The following DNAH12 variants were observed in gnomAD, a reference collection of about 807,000 sequenced individuals.
The protein encoded by DNAH12 is axonemal beta dynein heavy chain 12.
DNAH12 carries 285 observed loss-of-function variants against 371.5 expected under a neutral mutation model. The ratio of observed to expected loss-of-function variants is 0.77; its 90% CI spans 0.70 to 0.85. The LOEUF is 0.85. DNAH12 is among the 40% of genes least tolerant of loss of function. The pLI, the probability that DNAH12 is intolerant of heterozygous loss-of-function variation, is 0.00. For synonymous variants in DNAH12, 1,200 were observed against 1,213.0 expected, an observed-to-expected ratio of 0.99 and a Z score of 0.22; for missense variants, 3,611 against 3,689.4, an observed-to-expected ratio of 0.98 and a Z score of 0.55.
chr3:57,341,628 G>C (rs1163617318), intron 60 of DNAH12, among the ~76,000 whole-genome samples: 1 of 151,874 alleles, frequency 6.6e-6, no homozygotes, highest in Non-Finnish European at 1.5e-5. Context: ...TCAAAAAATA[G>C]AATGACATCC....
rs763666348 is a variant in DNAH12, at chr3:57,508,408, T to C, written c.675A>G (p.Thr225=). The C allele has an allele frequency of 1.9e-6, 3 of 1,606,510 alleles. No individual in the cohort carries two copies. Among genetic ancestry groups the C allele is most frequent in the Admixed American group, 1.7e-5 (1 of 57,808 alleles). ...LDLGYTTFAD[T]VLLDFTGIRA... Reference sequence around the variant, plus strand: ...TAATTCCTGTGAAGTCCAACAAAACTGTATCAGCAAATGTTGTATAACCAA... The same window carrying C: ...TAATTCCTGTGAAGTCCAACAAAACCGTATCAGCAAATGTTGTATAACCAA... The change falls in exon 7 of 74, where the codon ACA becomes ACG. Residue 225 remains threonine, a synonymous_variant. Transcript: ENST00000495027.
intron 60 of DNAH12, 104 bp downstream of exon 60, chr3:57,351,981 A>C (rs2062686488): frequency 8.4e-7 from 1 of 1,192,282 alleles, no homozygotes; most frequent in Non-Finnish European, 1.1e-6. Flanking sequence ...ATCATGACTT[A>C]AGCGAAGAAA....
Position 57,334,586 on chromosome 3 carries a change from T to C in DNAH12, c.9857A>G (p.Tyr3286Cys), listed in dbSNP as rs1204157844. The C allele has an allele frequency of 1.4e-5, 22 of 1,543,492 alleles. No homozygotes were observed. In the Admixed American group the frequency reaches 1.8e-4, roughly 13 times the overall value. Residue 3286 changes from tyrosine (Y) to cysteine (C), a missense_variant, in exon 62 of 74, where the codon TAT becomes TGT. Physicochemically the swap from Tyr to Cys is radical, Grantham distance 194 (BLOSUM62 -2). Transcript: ENST00000495027. Reference protein sequence around the residue: ...GLRQHFCEHIYEWREIYDSKE... With the variant: ...GLRQHFCEHICEWREIYDSKE... The stretch of plus-strand genomic sequence containing the variant: ...ACTGTCATAGATTTCTCGCCATTCA[T>C]ATATATGTTCACAAAAATGTTGCCT...
At chr3:57,546,408 A>G (rs1029780240), upstream of DNAH12, among the ~76,000 whole-genome samples, 8 of 152,176 alleles carry the variant, frequency 5.3e-5, no homozygotes, top group Admixed American at 3.9e-4. Context: ...AGACTACAGC[A>G]ATAGCTCACT....
At chr3:57,308,061 A>G (rs1384722008) in intron 69 of DNAH12, among the ~76,000 whole-genome samples, 1 of 152,018 alleles carries the variant, frequency 6.6e-6, no homozygotes, top group Non-Finnish European at 1.5e-5. Context: ...TTCCCTACAC[A>G]TCAAGCTCAG....
In DNAH12 at chr3:57,496,771, C is replaced by T. The variant is rs1325596530; in HGVS notation, c.1335+4550G>A. On this transcript the variant is annotated intron_variant, in intron 11 of 73. Coordinates refer to ENST00000495027, the MANE Select transcript of DNAH12 (RefSeq NM_001366028.2). Reference sequence around the variant, plus strand: ...ATCACCTGAGGTCAGGAGTTCAAGACCAGCCTGGCCAACATGGCAAAACCC... The same window carrying T: ...ATCACCTGAGGTCAGGAGTTCAAGATCAGCCTGGCCAACATGGCAAAACCC... 2.0e-5 allele frequency among the ~76,000 whole-genome samples: 3 copies of T among 152,128 alleles called. 1 individual carries two copies. The East Asian group carries it at 5.8e-4, about 29-fold the overall frequency.
intron 62 of DNAH12, among the ~76,000 whole-genome samples, chr3:57,326,028 G>T (rs7613829): frequency 0.32 from 48,641 of 151,594 alleles, 8,646 homozygotes; most frequent in African/African-American, 0.46. Flanking sequence ...AAAAAGAAAC[G>T]AACAAAGCCT....
intron 4 of DNAH12, among the ~76,000 whole-genome samples, chr3:57,518,271 C>A (rs1325048276): frequency 1.3e-5 from 2 of 151,756 alleles, no homozygotes; most frequent in Non-Finnish European, 2.9e-5. Flanking sequence ...ACACCTGTAA[C>A]CCCAGCACTT....
chr3:57,362,094 A>G (rs2062950061), intron 58 of DNAH12, among the ~76,000 whole-genome samples: 1 of 149,856 alleles, frequency 6.7e-6, no homozygotes, highest in South Asian at 2.1e-4. Context: ...ATTCCCACCT[A>G]TGAGTAAGAA....
intron 60 of DNAH12, among the ~76,000 whole-genome samples, chr3:57,350,730 C>A (rs989708602): frequency 6.6e-6 from 1 of 152,102 alleles, no homozygotes; most frequent in African/African-American, 2.4e-5. Context: ...GAGTGAGTGC[C>A]AATTTGTCAC....
rs73074588 is a variant in DNAH12, at chr3:57,430,826, T to A, written c.4981-1052A>T. 4.1e-3 allele frequency among the ~76,000 whole-genome samples: 619 copies of A among 152,366 alleles called. 3 individuals are homozygous for A. The highest frequency in any genetic ancestry group is 6.8e-3 in the Non-Finnish European group (461 of 68,026). On this transcript the variant is annotated intron_variant, in intron 32 of 73. Coordinates refer to ENST00000495027, the MANE Select transcript of DNAH12 (RefSeq NM_001366028.2). The stretch of plus-strand genomic sequence containing the variant: ...TGTCAACAATGAGAAATTTAACATT[T>A]GTGGATTCCGTTTCTTAGCTGTAAA...
chr3:57,382,064 C>T (rs2063404116), intron 50 of DNAH12, among the ~76,000 whole-genome samples, 198 bp downstream of exon 50: 1 of 152,056 alleles, frequency 6.6e-6, no homozygotes, highest in African/African-American at 2.4e-5. Flanking sequence ...GACGGGGTTT[C>T]ACCAGGTTAG....
At chr3:57,501,046 G>C (rs2067525475) in intron 11 of DNAH12, among the ~76,000 whole-genome samples, 1 of 152,186 alleles carries the variant, frequency 6.6e-6, no homozygotes, top group Non-Finnish European at 1.5e-5. Context: ...GTCTCAAAGT[G>C]CTGGGATTAC....
At chr3:57,307,814 A>T (rs1375205768) in intron 69 of DNAH12, among the ~76,000 whole-genome samples, 1 of 151,894 alleles carries the variant, frequency 6.6e-6, no homozygotes, top group Non-Finnish European at 1.5e-5. Context: ...CCATTTTCCC[A>T]TATTTCCTTC....
intron 35 of DNAH12, among the ~76,000 whole-genome samples, 194 bp from the exon 36 acceptor site, chr3:57,421,900 G>GTTTTTTTTTTTTTTT (rs1383551758): frequency 1.9e-4 from 19 of 97,708 alleles, no homozygotes; most frequent in African/African-American, 4.8e-4. Context: ...ATGTTTGCAT[G>GTTTTTTTTTTTTTTT]TCTTTTTTTT....
intron 58 of DNAH12, among the ~76,000 whole-genome samples, chr3:57,361,596 G>A (rs1324937050): frequency 2.0e-5 from 3 of 151,334 alleles, no homozygotes; most frequent in Admixed American, 2.0e-4. Flanking sequence ...ACAAGATAAT[G>A]ACGGAATTAA....
intron 56 of DNAH12, among the ~76,000 whole-genome samples, chr3:57,367,357 G>A (rs1435615368): frequency 8.5e-5 from 13 of 152,142 alleles, no homozygotes; most frequent in Admixed American, 7.9e-4. Context: ...GAAAACAGGA[G>A]TGGCAAAAGT....
Position 57,501,405 on chromosome 3 carries a change from T to C in DNAH12, c.1251A>G (p.Lys417=). 3 of 1,581,922 alleles carry C rather than the reference T, an allele frequency of 1.9e-6. No homozygotes were observed. In the South Asian group the frequency reaches 3.6e-5, roughly 19 times the overall value. ...ARKHYETYVE[K]YNWLLDGTAV... Reference sequence around the variant, plus strand: ...CAGTCCCATCAAGGAGCCAATTATATTTTTCAACTGAAAATTAATAATCTA... The same window carrying C: ...CAGTCCCATCAAGGAGCCAATTATACTTTTCAACTGAAAATTAATAATCTA... Residue 417 remains lysine (K), a synonymous_variant, in exon 11 of 74, where the codon AAA becomes AAG. Transcript: ENST00000495027.
chr3:57,319,102 C>T (rs2061747973), intron 65 of DNAH12, among the ~76,000 whole-genome samples: 1 of 152,024 alleles, frequency 6.6e-6, no homozygotes, highest in African/African-American at 2.4e-5. Flanking sequence ...TGAATTTATT[C>T]CTAAGTATTT....
Sources: gnomAD v4.1 joint callset for allele counts (sites outside exome capture counted in the v4.1 genomes callset) on GRCh38, gnomAD v4.1.1 for gene constraint, MANE v1.5 for transcripts, NCBI Gene and HGNC (gene_info 2026-07-23, HGNC 2026-07-21) for gene names.